The following VPS13A variants were observed in gnomAD, a reference collection of about 807,000 sequenced individuals.
The protein encoded by VPS13A is vacuolar protein sorting 13 homolog A.
VPS13A carries 264 observed loss-of-function variants against 390.9 expected under a neutral mutation model. The ratio of observed to expected loss-of-function variants is 0.68; its 90% confidence interval spans 0.61 to 0.75. VPS13A has a LOEUF of 0.75. Among genes scored for constraint, VPS13A ranks in the 30% least tolerant of loss-of-function variants. The probability of loss-of-function intolerance (pLI) is 0.00; values close to 1 mark genes in which losing one functional copy is unlikely to be tolerated. For synonymous variants in VPS13A, 1,231 were observed against 1,227.1 expected, an observed-to-expected ratio of 1.00 and a Z score of -0.07; for missense variants, 3,409 against 3,733.9, an observed-to-expected ratio of 0.91 and a Z score of 2.27.
At chr9:77,327,652 T>A (rs1034709725) in intron 45 of VPS13A, among the ~76,000 whole-genome samples, 2 of 146,674 alleles carry the variant, frequency 1.4e-5, no homozygotes, top group African/African-American at 2.4e-5. Context: ...TTATTATTAT[T>A]ATATATTAAT....
At position 77,243,926 on chromosome 9, in the gene VPS13A, C is replaced by T. The variant is rs116179169; in HGVS notation, c.1901-3333C>T. 1.5e-3 allele frequency among the ~76,000 whole-genome samples: 231 copies of T among 152,172 alleles called. 1 individual carries two copies. The highest frequency in any genetic ancestry group is 5.3e-3 in the African/African-American group (222 of 41,514). ...GTAATGAGGGACTGTTTTGTTACTC[C>T]AAAGAGTAACTTTAAAGAATGTAAC... is the stretch of plus-strand genomic sequence containing the variant. On this transcript the variant is annotated intron_variant, in intron 19 of 71. Coordinates refer to ENST00000360280, the MANE Select transcript of VPS13A (RefSeq NM_033305.3).
At chr9:77,289,820 G>A (rs1368536458) in intron 31 of VPS13A, among the ~76,000 whole-genome samples, 7 of 143,490 alleles carry the variant, frequency 4.9e-5, no homozygotes, top group East Asian at 2.0e-4. Context: ...TTGCTCTGTC[G>A]CCCAGGCTGG....
chr9:77,326,966 C>G (rs1830047543), intron 45 of VPS13A, among the ~76,000 whole-genome samples: 1 of 152,142 alleles, frequency 6.6e-6, no homozygotes, highest in South Asian at 2.1e-4. Flanking sequence ...AGGTCTCTCC[C>G]CTCAAGTACA....
chr9:77,358,964 C>T (rs1462721382), intron 57 of VPS13A, among the ~76,000 whole-genome samples: 2 of 152,132 alleles, frequency 1.3e-5, no homozygotes, highest in Non-Finnish European at 2.9e-5. Flanking sequence ...TCTAAACTAT[C>T]CTGGGGGGAG....
intron 1 of VPS13A, among the ~76,000 whole-genome samples, chr9:77,196,832 A>C (rs1589981313): frequency 6.6e-6 from 1 of 152,210 alleles, no homozygotes; most frequent in East Asian, 1.9e-4. Context: ...CAACAAACTG[A>C]TTTCATTTCT....
At chr9:77,255,634 C>A (rs1389434821) in intron 22 of VPS13A, among the ~76,000 whole-genome samples, 1 of 152,086 alleles carries the variant, frequency 6.6e-6, no homozygotes, top group Admixed American at 6.5e-5. Context: ...TTGAAGCGAT[C>A]AGATCGTGGG....
chr9:77,388,366 TAA>T (rs1473945744), intron 68 of VPS13A, among the ~76,000 whole-genome samples: 1 of 152,140 alleles, frequency 6.6e-6, no homozygotes, highest in Admixed American at 6.5e-5. Flanking sequence ...AGGTCTGTGT[TAA>T]GAGAACTAAT....
chr9:77,280,394 T>C (rs548904811), intron 27 of VPS13A, among the ~76,000 whole-genome samples, 156 bp downstream of exon 27: 6 of 152,292 alleles, frequency 3.9e-5, no homozygotes, highest in African/African-American at 1.4e-4. Flanking sequence ...TGTCATCTTG[T>C]ATTAAATAGT....
At chr9:77,384,934 C>T in intron 68 of VPS13A, 1 of 1,268,412 alleles carries the variant, frequency 7.9e-7, no homozygotes, top group Non-Finnish European at 1.0e-6. Context: ...CTTTGTATTG[C>T]ATAGTTTGTC....
chr9:77,343,198 A>G (rs955869913), intron 50 of VPS13A, among the ~76,000 whole-genome samples: 2 of 152,242 alleles, frequency 1.3e-5, no homozygotes, highest in Non-Finnish European at 2.9e-5. Flanking sequence ...GAATGCAGAC[A>G]TGGATAAAAG....
In VPS13A at chr9:77,308,043, A is replaced by T; in HGVS notation, c.4059A>T (p.Lys1353Asn). Residue 1353 changes from lysine to asparagine, a missense_variant, in exon 35 of 72, where the codon AAA (lysine) becomes AAT (asparagine). Lys to Asn is a moderately conservative substitution (Grantham distance 94). Coordinates refer to ENST00000360280, the MANE Select transcript of VPS13A (RefSeq NM_033305.3). ...KDGSASPAVT[K>N]DQYSATSGVT... is the part of the protein sequence containing the mutation. ...GTAGTGCCTCACCTGCTGTAACAAAAGACCAATACAGTGCCACTAGTGGAG... is the reference window on the plus strand; with the variant it reads ...GTAGTGCCTCACCTGCTGTAACAAATGACCAATACAGTGCCACTAGTGGAG... 7 of 1,613,986 alleles carry T rather than the reference A, an allele frequency of 4.3e-6. No individual in the cohort carries two copies. Among genetic ancestry groups the T allele is most frequent in the Non-Finnish European group, 5.9e-6 (7 of 1,179,912 alleles).
intron 23 of VPS13A, among the ~76,000 whole-genome samples, chr9:77,268,872 G>A (rs1231435330): frequency 6.6e-6 from 1 of 151,778 alleles, no homozygotes; most frequent in Non-Finnish European, 1.5e-5. Flanking sequence ...CTCTGGAGGT[G>A]GAGGTTGCAG....
intron 10 of VPS13A, among the ~76,000 whole-genome samples, chr9:77,214,698 A>T (rs543409903): frequency 2.2e-4 from 34 of 152,344 alleles, no homozygotes; most frequent in African/African-American, 8.2e-4. Flanking sequence ...TCAAAATGGC[A>T]AGTAAAATTT....
chr9:77,358,353 T>C lies in VPS13A; in HGVS notation c.7954-4T>C. 2 of 1,610,752 alleles carry C rather than the reference T, an allele frequency of 1.2e-6. No individual in the cohort carries two copies. The highest frequency in any genetic ancestry group is 2.2e-5 in the South Asian group (2 of 90,990). ...AATATACTGATGTGTTTTTATTTTC[T>C]TAGATCCAAAATCAGATACATGGTG... is the stretch of plus-strand genomic sequence containing the variant. On this transcript the variant is annotated splice_region_variant and splice_polypyrimidine_tract_variant and intron_variant, in intron 56 of 71. Coordinates refer to ENST00000360280, the MANE Select transcript of VPS13A (RefSeq NM_033305.3).
chr9:77,277,302 A>C (rs572619345), intron 26 of VPS13A, among the ~76,000 whole-genome samples: 9 of 152,280 alleles, frequency 5.9e-5, no homozygotes, highest in African/African-American at 2.2e-4. Context: ...AGATCATGGG[A>C]CAATTGAGCA....
intron 71 of VPS13A, among the ~76,000 whole-genome samples, chr9:77,411,790 A>G (rs932091606): frequency 2.6e-5 from 4 of 151,922 alleles, no homozygotes; most frequent in African/African-American, 9.7e-5. Context: ...AACCCTTCAA[A>G]AAATGAATCC....
chr9:77,278,143 T>A (rs932924673), intron 26 of VPS13A, among the ~76,000 whole-genome samples: 1 of 151,930 alleles, frequency 6.6e-6, no homozygotes, highest in Non-Finnish European at 1.5e-5. Flanking sequence ...TGATCTCGGC[T>A]CACTGCAAGC....
At chr9:77,303,571 T>C (rs978522327) in intron 34 of VPS13A, among the ~76,000 whole-genome samples, 18 of 152,150 alleles carry the variant, frequency 1.2e-4, no homozygotes, top group South Asian at 4.1e-4. Context: ...GGACCTGCAC[T>C]GGCACCGGCC....
intron 67 of VPS13A, among the ~76,000 whole-genome samples, chr9:77,372,005 T>A (rs1325208022): frequency 3.4e-5 from 5 of 148,856 alleles, no homozygotes; most frequent in African/African-American, 9.8e-5. Flanking sequence ...GGCTGCATAG[T>A]ATTCCATGGT....
Sources: gnomAD v4.1 joint callset for allele counts (sites outside exome capture counted in the v4.1 genomes callset) on GRCh38, gnomAD v4.1.1 for gene constraint, MANE v1.5 for transcripts, NCBI Gene and HGNC (gene_info 2026-07-23, HGNC 2026-07-21) for gene names.